MED15: variants seen among roughly 807,000 people sequenced by gnomAD.
MED15 encodes mediator complex subunit 15, also known as mediator of RNA polymerase II transcription subunit 15.
In MED15, 41 loss-of-function variants were observed where a neutral mutation model predicts 118.7. The observed-to-expected ratio is 0.35, with a 90% CI of 0.27 to 0.45. The LOEUF is 0.45. Ranked by LOEUF, MED15 falls within the 20% of genes least tolerant of loss-of-function variation. MED15 has a pLI of 1.00. For missense variants in MED15, 740 were observed against 1,025.5 expected (o/e 0.72, Z 3.80); for synonymous variants, 436 against 413.9 (o/e 1.05, Z -0.65).
chr22:20,569,404 T>C (rs2056560993), intron 8 of MED15, among the ~76,000 whole-genome samples: 1 of 152,194 alleles, frequency 6.6e-6, no homozygotes. Context: ...AGAGTCAGAA[T>C]GTGCTAGTTG....
At chr22:20,543,974 A>G (rs749808892) in intron 2 of MED15, among the ~76,000 whole-genome samples, 4 of 152,230 alleles carry the variant, frequency 2.6e-5, no homozygotes, top group Non-Finnish European at 4.4e-5. Flanking sequence ...ACTTTTTGCC[A>G]TTATATTACA....
intron 2 of MED15, among the ~76,000 whole-genome samples, chr22:20,549,180 A>G (rs1044335640): frequency 6.6e-6 from 1 of 152,176 alleles, no homozygotes; most frequent in Non-Finnish European, 1.5e-5. Flanking sequence ...GGTGGTTGGG[A>G]GAAATCAAGG....
intron 2 of MED15, among the ~76,000 whole-genome samples, chr22:20,543,418 GC>G: frequency 6.7e-6 from 1 of 149,752 alleles, no homozygotes; most frequent in East Asian, 2.0e-4. Context: ...CACCATGTTG[GC>G]CAGGCTGGTC....
chr22:20,542,329 A>G (rs1438865955), intron 2 of MED15, among the ~76,000 whole-genome samples: 1 of 152,238 alleles, frequency 6.6e-6, no homozygotes, highest in Non-Finnish European at 1.5e-5. Context: ...CCAAATGTCT[A>G]CCAGCTGATG....
intron 3 of MED15, among the ~76,000 whole-genome samples, chr22:20,552,255 G>A (rs779820117): frequency 2.6e-5 from 4 of 152,206 alleles, no homozygotes; most frequent in Non-Finnish European, 2.9e-5. Context: ...CCTGTCGTTG[G>A]AGCATGTGCC....
intron 16 of MED15, 135 bp from the exon 17 acceptor site, chr22:20,585,591 CAG>C (rs766795384): frequency 3.2e-5 from 26 of 813,132 alleles, no homozygotes; most frequent in Non-Finnish European, 4.9e-5. Flanking sequence ...ATCTGAGAGT[CAG>C]AGAGACCTCC....
chr22:20,559,589 A>G (rs979584444), intron 5 of MED15, among the ~76,000 whole-genome samples: 1 of 152,220 alleles, frequency 6.6e-6, no homozygotes, highest in African/African-American at 2.4e-5. Context: ...CAGAGCACCA[A>G]AGGCCAGAGG....
chr22:20,575,524 C>T (rs1182567168), intron 9 of MED15, among the ~76,000 whole-genome samples: 1 of 152,024 alleles, frequency 6.6e-6, no homozygotes, highest in East Asian at 1.9e-4. Flanking sequence ...CTTTCTAGAG[C>T]TGTGCTATCT....
chr22:20,587,076 C>G lies in MED15; in HGVS notation c.*372C>G, dbSNP rs1003011391. The G allele has an allele frequency of 1.1e-5, 3 of 273,764 alleles. No homozygotes were observed. Among genetic ancestry groups the G allele is most frequent in the Non-Finnish European group, 2.1e-5 (3 of 140,478 alleles). 17.0% of individuals were successfully genotyped at this position (273,764 alleles called of 1,614,324 possible). A position where few individuals can be genotyped will look rare whatever the true frequency, so the allele number is the denominator to read the frequency against. ...GCGTCTCGTGTGTGCTAGACGCACCCCTACTCGTTCCTATAGAACACAGAG... is the reference window on the plus strand; with the variant it reads ...GCGTCTCGTGTGTGCTAGACGCACCGCTACTCGTTCCTATAGAACACAGAG... On this transcript the variant is annotated 3_prime_UTR_variant, in exon 18 of 18. Coordinates refer to ENST00000263205, the MANE Select transcript of MED15 (RefSeq NM_001003891.3).
At chr22:20,550,801 T>C (rs1209259) in intron 2 of MED15, among the ~76,000 whole-genome samples, 146,994 of 152,350 alleles carry the variant, frequency 0.96, 70,958 homozygotes, top group East Asian at 1. Context: ...CCAGACAATC[T>C]CAGAAACACA....
chr22:20,562,910 C>T (rs1286200822), intron 5 of MED15, among the ~76,000 whole-genome samples: 1 of 151,802 alleles, frequency 6.6e-6, no homozygotes, highest in East Asian at 1.9e-4. Context: ...GTGGCATGCA[C>T]CTGTAGTTCC....
intron 1 of MED15, among the ~76,000 whole-genome samples, chr22:20,536,248 C>T (rs1200633351): frequency 1.3e-5 from 2 of 151,860 alleles, no homozygotes; most frequent in Non-Finnish European, 2.9e-5. Flanking sequence ...GGCAAGAAGG[C>T]AGGCAGTGAG....
intron 17 of MED15, 75 bp downstream of exon 17, chr22:20,585,901 C>T: frequency 1.4e-6 from 2 of 1,380,672 alleles, no homozygotes; most frequent in African/African-American, 1.4e-5. Flanking sequence ...GCTTCCACTG[C>T]AGCAGGGACA....
chr22:20,582,501 G>T (rs1467576193), intron 9 of MED15, 110 bp from the exon 10 acceptor site: 1 of 1,489,424 alleles, frequency 6.7e-7, no homozygotes, highest in Admixed American at 2.0e-5. Flanking sequence ...AGACACAGGT[G>T]TGTGGTGAGG....
chr22:20,529,392 C>T (rs191897917), intron 1 of MED15, among the ~76,000 whole-genome samples: 13 of 151,122 alleles, frequency 8.6e-5, no homozygotes, highest in East Asian at 3.9e-4. Context: ...GGATTATGGC[C>T]GCACACCACC....
intron 14 of MED15, 156 bp from the exon 15 acceptor site, chr22:20,584,699 T>C: frequency 9.8e-7 from 1 of 1,023,528 alleles, no homozygotes; most frequent in South Asian, 1.6e-5. Context: ...GGGGGATTAT[T>C]CCCAGGATCA....
chr22:20,523,693 G>C (rs2054537912), intron 1 of MED15: 1 of 985,370 alleles, frequency 1.0e-6, no homozygotes, highest in Non-Finnish European at 1.2e-6. Flanking sequence ...ACCTAGGGGA[G>C]CCCCAGGCCA....
chr22:20,533,642 G>A (rs1236015719), intron 1 of MED15, among the ~76,000 whole-genome samples: 1 of 152,146 alleles, frequency 6.6e-6, no homozygotes, highest in East Asian at 1.9e-4. Flanking sequence ...TGTGGAACTG[G>A]ACATTTACCC....
intron 2 of MED15, among the ~76,000 whole-genome samples, chr22:20,540,608 T>G (rs2055258118): frequency 1.3e-5 from 2 of 151,680 alleles, no homozygotes; most frequent in Admixed American, 1.3e-4. Context: ...TCAAAATGGG[T>G]CAAAAACCTA....
Sources: gnomAD v4.1 joint callset for allele counts (sites outside exome capture counted in the v4.1 genomes callset) on GRCh38, gnomAD v4.1.1 for gene constraint, MANE v1.5 for transcripts, NCBI Gene and HGNC (gene_info 2026-07-23, HGNC 2026-07-21) for gene names.